DENND4A: variants seen among roughly 807,000 people sequenced by gnomAD.
DENND4A encodes the protein DENN domain containing 4A.
In DENND4A, 70 loss-of-function variants were observed where a neutral mutation model predicts 199.3. The observed-to-expected ratio is 0.35, with a 90% CI of 0.29 to 0.43. DENND4A has a LOEUF of 0.43. DENND4A is among the 20% of genes least tolerant of loss of function. DENND4A has a pLI of 1.00. For synonymous variants in DENND4A, 686 were observed against 766.9 expected (o/e 0.89, Z 1.74); for missense variants, 1,723 against 2,255.8 (o/e 0.76, Z 4.78).
intron 11 of DENND4A, among the ~76,000 whole-genome samples, chr15:65,723,963 G>A (rs1286630012): frequency 1.3e-5 from 2 of 152,020 alleles, no homozygotes; most frequent in Non-Finnish European, 2.9e-5. Context: ...AACACAGTTG[G>A]TCTCTAAACC....
intron 1 of DENND4A, among the ~76,000 whole-genome samples, chr15:65,765,773 A>G (rs2076968479): frequency 6.6e-6 from 1 of 152,192 alleles, no homozygotes; most frequent in Non-Finnish European, 1.5e-5. Context: ...CCATTACCAA[A>G]GACAAGATGC....
At position 65,660,297 on chromosome 15, in the gene DENND4A, G is replaced by A. The variant is rs779969931; in HGVS notation, c.*1554C>T. 1.8e-5 allele frequency: 28 copies of A among 1,535,176 alleles called. No homozygotes were observed. In the South Asian group the frequency reaches 3.3e-4, roughly 18 times the overall value. On this transcript the variant is annotated 3_prime_UTR_variant, in exon 33 of 33. Transcript: ENST00000443035. ...TTCCCAGAGTTGGAAGCTGTGAAAT[G>A]TTTCAGCATGGTGCTATTCACTAAT...
At chr15:65,740,875 T>C (rs985343886) in intron 5 of DENND4A, among the ~76,000 whole-genome samples, 5 of 151,892 alleles carry the variant, frequency 3.3e-5, no homozygotes, top group African/African-American at 4.8e-5. Context: ...GGCAAGAGGA[T>C]ACCTTGAGCA....
At chr15:65,712,421 G>T (rs114221656) in intron 14 of DENND4A, among the ~76,000 whole-genome samples, 1 of 152,124 alleles carries the variant, frequency 6.6e-6, no homozygotes, top group South Asian at 2.1e-4. Context: ...TACTCTGAAC[G>T]CTATGATAGG....
chr15:65,667,580 T>A lies in DENND4A; in HGVS notation c.5110A>T (p.Thr1704Ser). The change falls in exon 29 of 33, where the codon ACA becomes TCA. Residue 1704 changes from threonine (T) to serine (S), a missense_variant. By Grantham distance (58) the Thr-to-Ser change is moderately conservative. Coordinates refer to ENST00000443035, the MANE Select transcript of DENND4A (RefSeq NM_001320835.1). ...TGATGGTCCACAAAGTCTGCTACTG[T>A]TATTGCATGATCACCTTCATTTTCC... is the stretch of plus-strand genomic sequence containing the variant. ...LLENEGDHAI[T>S]VADFVDHHPI... The A allele has an allele frequency of 6.2e-7, 1 of 1,614,024 alleles. No homozygotes were observed. Among genetic ancestry groups the A allele is most frequent in the Non-Finnish European group, 8.5e-7 (1 of 1,179,888 alleles).
At chr15:65,724,059 TA>T (rs963913897) in intron 11 of DENND4A, among the ~76,000 whole-genome samples, 28 of 146,284 alleles carry the variant, frequency 1.9e-4, no homozygotes, top group Non-Finnish European at 2.0e-4. Flanking sequence ...GACTCCACTT[TA>T]AAAAAAAAAA....
At chr15:65,686,275 CCAAA>C (rs1462017231) in intron 23 of DENND4A, among the ~76,000 whole-genome samples, 3 of 152,050 alleles carry the variant, frequency 2.0e-5, no homozygotes, top group South Asian at 2.1e-4. Flanking sequence ...TTTTAAATAG[CCAAA>C]CATAGTTTAT....
chr15:65,739,362 A>T (rs1048127250), intron 5 of DENND4A, among the ~76,000 whole-genome samples: 3 of 152,220 alleles, frequency 2.0e-5, no homozygotes, highest in Non-Finnish European at 4.4e-5. Flanking sequence ...ACATATTTAC[A>T]ATGTCTTAGG....
chr15:65,704,600 G>GT (rs923413153), intron 15 of DENND4A, among the ~76,000 whole-genome samples: 6 of 152,010 alleles, frequency 3.9e-5, no homozygotes, highest in Middle Eastern at 3.4e-3. Context: ...AAATAATGTG[G>GT]TTTTTTTGGA....
chr15:65,682,048 C>A (rs1159106700), intron 23 of DENND4A, among the ~76,000 whole-genome samples: 1 of 152,196 alleles, frequency 6.6e-6, no homozygotes, highest in Non-Finnish European at 1.5e-5. Flanking sequence ...AGAGCACAGG[C>A]AGAGAGTAGC....
rs115801965 is a variant in DENND4A at position 65,713,644 on chromosome 15, C to T, written c.1953+1834G>A. Among the ~76,000 whole-genome samples the T allele has an allele frequency of 2.9e-3, 436 of 152,334 alleles. 2 individuals are homozygous for T. Among genetic ancestry groups the T allele is most frequent in the African/African-American group, 0.01 (418 of 41,568 alleles). On this transcript the variant is annotated intron_variant, in intron 14 of 32. Transcript: ENST00000443035. ...ACTCAATGGGCTAATCTGTTACTAA[C>T]ATTTGATGCTCAAATTGTCCTAGAT... is the stretch of plus-strand genomic sequence containing the variant.
chr15:65,684,052 G>GT (rs1322806234), intron 23 of DENND4A, among the ~76,000 whole-genome samples: 2 of 152,196 alleles, frequency 1.3e-5, no homozygotes, highest in Non-Finnish European at 2.9e-5. Context: ...TTTAAGGCAT[G>GT]TATCAGTATT....
Position 65,671,869 on chromosome 15 carries a change from C to T in DENND4A, c.4387G>A (p.Ala1463Thr), listed in dbSNP as rs1237741001. ...ASLEGSLSKF[A>T]LPGKSEVTSS... ...GTCACTTCTGATTTCCCAGGTAAGG[C>T]AAACTTCGACAGAGATCCTGTTCAT... The change falls in exon 25 of 33, where the codon GCC becomes ACC. Residue 1463 changes from alanine to threonine, a missense_variant. Coordinates refer to ENST00000443035, the MANE Select transcript of DENND4A (RefSeq NM_001320835.1). The T allele has an allele frequency of 6.2e-7, 1 of 1,606,300 alleles. No individual in the cohort carries two copies. The highest frequency in any genetic ancestry group is 1.1e-5 in the South Asian group (1 of 90,940).
Position 65,660,258 on chromosome 15 carries a change from ACT to A in DENND4A, c.*1591_*1592del, listed in dbSNP as rs756941614. ...ACTAACTGAAGTTTTACATTTTTAA[ACT>A]CTCTCCATTATTTCCCAGAGTTGGA... On this transcript the variant is annotated 3_prime_UTR_variant, in exon 33 of 33. Coordinates refer to ENST00000443035, the MANE Select transcript of DENND4A (RefSeq NM_001320835.1). The A allele has an allele frequency of 2.0e-6, 3 of 1,531,086 alleles. No individual in the cohort carries two copies. The highest frequency in any genetic ancestry group is 3.9e-5 in the Admixed American group (2 of 50,904). The allele number at this position is 1,531,086 out of a possible 1,614,324, so 94.8% of individuals were successfully genotyped here.
intron 5 of DENND4A, among the ~76,000 whole-genome samples, 153 bp from the exon 6 acceptor site, chr15:65,739,028 T>G (rs1370936909): frequency 1.3e-5 from 2 of 152,192 alleles, no homozygotes; most frequent in African/African-American, 4.8e-5. Flanking sequence ...TTTGGTAGGA[T>G]TCATAGAGAT....
chr15:65,737,825 G>C lies in DENND4A; in HGVS notation c.922C>G (p.His308Asp). 6.2e-7 allele frequency: 1 copy of C among 1,601,852 alleles called. No individual in the cohort carries two copies. Among genetic ancestry groups the C allele is most frequent in the Non-Finnish European group, 8.5e-7 (1 of 1,173,684 alleles). Residue 308 changes from histidine (H) to aspartate (D), a missense_variant, in exon 7 of 33, where the codon CAT (histidine) becomes GAT (aspartate). Physicochemically the swap from His to Asp is moderately conservative, Grantham distance 81. This residue lies in a region of DENND4A where 725 missense variants were observed against 952.9 expected (regional missense o/e 0.76). Coordinates refer to ENST00000443035, the MANE Select transcript of DENND4A (RefSeq NM_001320835.1). ...AGAAGACAGATGCATTTGTTAGTAT[G>C]AATTGTTTTGGAACTATCAGACTTC... ...DGKSDSSKTI[H>D]TNKCICLLSH...
At chr15:65,686,639 C>G (rs1007052003) in intron 23 of DENND4A, among the ~76,000 whole-genome samples, 3 of 152,240 alleles carry the variant, frequency 2.0e-5, no homozygotes, top group Middle Eastern at 3.4e-3. Context: ...CTCAAGCAAT[C>G]CAGACCTCCC....
At chr15:65,700,756 CAATGT>C in intron 19 of DENND4A, 81 bp from the exon 20 acceptor site, 1 of 1,328,014 alleles carries the variant, frequency 7.5e-7, no homozygotes. Flanking sequence ...AATAATCCAC[CAATGT>C]AATACTGAAC....
chr15:65,750,821 A>G (rs1204502115), intron 4 of DENND4A, among the ~76,000 whole-genome samples: 1 of 152,102 alleles, frequency 6.6e-6, no homozygotes, highest in African/African-American at 2.4e-5. Context: ...ACTAAGAGTG[A>G]GATGAGAAGC....
Sources: allele counts gnomAD v4.1 joint callset (sites outside exome capture counted in the v4.1 genomes callset), GRCh38; gene constraint gnomAD v4.1.1; regional missense constraint gnomAD v4.1.1; transcripts MANE v1.5; gene names NCBI Gene and HGNC (gene_info 2026-07-23, HGNC 2026-07-21).